The following MLLT1 variants were observed in gnomAD, a reference collection of about 807,000 sequenced individuals.
The protein encoded by MLLT1 is protein ENL.
In MLLT1, 11 loss-of-function variants were observed where a neutral mutation model predicts 55.1. The observed-to-expected ratio is 0.20, with a 90% CI of 0.13 to 0.33. The LOEUF is 0.33. MLLT1 is among the 10% of genes least tolerant of loss of function. The pLI is 1.00. For synonymous variants in MLLT1, 323 were observed against 320.1 expected, an observed-to-expected ratio of 1.01 and a Z score of -0.10; for missense variants, 536 against 760.6, an observed-to-expected ratio of 0.70 and a Z score of 3.47.
At position 6,227,157 on chromosome 19, in the gene MLLT1, ACGGGC is replaced by A. The variant is rs1287767481; in HGVS notation, c.421-60_421-56del. The A allele has an allele frequency of 6.4e-7, 1 of 1,550,922 alleles. No individual in the cohort carries two copies. On this transcript the variant is annotated intron_variant, in intron 4 of 11. Coordinates refer to ENST00000252674, the MANE Select transcript of MLLT1 (RefSeq NM_005934.4). The surrounding 1 kb of genome is among the most constrained non-coding windows in gnomAD (Gnocchi z 5.1). ...GATGGGCAGGGGGCAGGGGGCCCAC[ACGGGC>A]CGGGCTGAAGGTGGTGGGGCTTCCC...
At chr19:6,214,854 C>T (rs916935748) in intron 8 of MLLT1, among the ~76,000 whole-genome samples, 2 of 152,188 alleles carry the variant, frequency 1.3e-5, no homozygotes, top group Non-Finnish European at 2.9e-5. Flanking sequence ...CCGGACTTCC[C>T]GGTGGGCAGC....
chr19:6,252,310 G>A (rs930949268), intron 3 of MLLT1, among the ~76,000 whole-genome samples: 7 of 152,184 alleles, frequency 4.6e-5, no homozygotes, highest in Non-Finnish European at 8.8e-5. Flanking sequence ...GAGGGGAGCT[G>A]TGCTGCCGGC....
chr19:6,246,460 C>T (rs1249767280), intron 3 of MLLT1, among the ~76,000 whole-genome samples: 1 of 152,210 alleles, frequency 6.6e-6, no homozygotes, highest in Admixed American at 6.5e-5. Context: ...AAAAACACAA[C>T]AAAACACGAA....
Position 6,213,953 on chromosome 19 carries a change from G to C in MLLT1, c.1393C>G (p.Pro465Ala). ...REPPPPQKPPPPNSKVSGRRS... is the reference protein window; with the variant it reads ...REPPPPQKPPAPNSKVSGRRS... ...CCCAGGCTCACCTTGCTGTTGGGCG[G>C]GGGTGGCTTCTGGGGGGGTGGGGGC... Residue 465 changes from proline to alanine, a missense_variant, in exon 9 of 12, where the codon CCG becomes GCG. Transcript: ENST00000252674. The C allele has an allele frequency of 6.9e-7, 1 of 1,453,420 alleles. No homozygotes were observed. Among genetic ancestry groups the C allele is most frequent in the Non-Finnish European group, 9.1e-7 (1 of 1,098,346 alleles). 90.0% of individuals were successfully genotyped at this position (1,453,420 alleles called of 1,614,324 possible).
intron 2 of MLLT1, among the ~76,000 whole-genome samples, chr19:6,267,293 C>A (rs1018526142): frequency 1.3e-5 from 2 of 151,474 alleles, no homozygotes; most frequent in Admixed American, 1.3e-4. Flanking sequence ...TAGTAGAGAC[C>A]GAGTTTCAGC....
At chr19:6,267,094 C>A (rs2144952424) in intron 2 of MLLT1, among the ~76,000 whole-genome samples, 1 of 152,128 alleles carries the variant, frequency 6.6e-6, no homozygotes, top group South Asian at 2.1e-4. Context: ...AGCGACACCC[C>A]CATCTCTAAA....
intron 7 of MLLT1, 135 bp downstream of exon 7, chr19:6,217,819 C>T (rs2090859740): frequency 2.3e-6 from 3 of 1,291,400 alleles, no homozygotes; most frequent in Non-Finnish European, 3.1e-6. Context: ...CTCCCCCAGG[C>T]CACCAAAACC....
Position 6,211,889 on chromosome 19 carries a change from G to C in MLLT1, c.*1153C>G. On this transcript the variant is annotated 3_prime_UTR_variant, in exon 12 of 12. Transcript: ENST00000252674. This position sits in a 1 kb window ranked among gnomAD's most constrained non-coding sequence, Gnocchi z 4.6. ...GCGCGGCACCAGCATGAATTGCGGC[G>C]GTGGAGGCCGGGGCGGGCCAGGCCG... 2 of 1,064,736 alleles carry C rather than the reference G, an allele frequency of 1.9e-6. No individual in the cohort carries two copies. Among genetic ancestry groups the C allele is most frequent in the Non-Finnish European group, 2.3e-6 (2 of 878,714 alleles). 66.0% of individuals were successfully genotyped at this position (1,064,736 alleles called of 1,614,324 possible).
At position 6,257,236 on chromosome 19, in the gene MLLT1, G is replaced by A. The variant is rs186136705; in HGVS notation, c.276+4992C>T. Among the ~76,000 whole-genome samples the A allele has an allele frequency of 3.9e-5, 6 of 152,130 alleles. No homozygotes were observed. The East Asian group carries it at 7.7e-4, about 20-fold the overall frequency. On this transcript the variant is annotated intron_variant, in intron 3 of 11. Coordinates refer to ENST00000252674, the MANE Select transcript of MLLT1 (RefSeq NM_005934.4). The stretch of plus-strand genomic sequence containing the variant: ...AAGGGACATTATCAGGGCTGGGTGC[G>A]GCAGCTCACGCCTGTGATCCCAGCT...
At chr19:6,241,537 C>G (rs541031367) in intron 3 of MLLT1, among the ~76,000 whole-genome samples, 5 of 152,266 alleles carry the variant, frequency 3.3e-5, no homozygotes, top group Non-Finnish European at 7.3e-5. Flanking sequence ...AGCCCCTTCT[C>G]TAGGGACCCA....
intron 3 of MLLT1, chr19:6,259,152 G>A (rs2091282417): frequency 6.6e-6 from 1 of 152,146 alleles, no homozygotes; most frequent in Non-Finnish European, 1.5e-5. Flanking sequence ...ACCCAGTCTG[G>A]ACACACCAGC....
chr19:6,250,055 C>T (rs1277879194), intron 3 of MLLT1, among the ~76,000 whole-genome samples: 1 of 151,258 alleles, frequency 6.6e-6, no homozygotes, highest in Non-Finnish European at 1.5e-5. Context: ...AAAACTCTTA[C>T]AACTCAAAAA....
chr19:6,226,230 A>C lies in MLLT1; in HGVS notation c.546+747T>G, dbSNP rs914855862. 6.6e-6 allele frequency among the ~76,000 whole-genome samples: 1 copy of C among 152,228 alleles called. No individual in the cohort carries two copies. The highest frequency in any genetic ancestry group is 2.4e-5 in the African/African-American group (1 of 41,464). The stretch of plus-strand genomic sequence containing the variant: ...GATGTGTGGGTGGCAGGCACCGGGC[A>C]GCTGCCCCGAGGGCCCGTGCCGCTC... On this transcript the variant is annotated intron_variant, in intron 5 of 11. Transcript: ENST00000252674. The surrounding 1 kb of genome is among the most constrained non-coding windows in gnomAD (Gnocchi z 6.3).
chr19:6,223,750 C>T (rs1050685525), intron 5 of MLLT1, among the ~76,000 whole-genome samples: 1 of 152,162 alleles, frequency 6.6e-6, no homozygotes, highest in Non-Finnish European at 1.5e-5. Flanking sequence ...GCCAGCACTC[C>T]CCACGGTGGG....
In MLLT1 at chr19:6,229,276, C is replaced by A. The variant is rs3787062; in HGVS notation, c.420+1294G>T. Among the ~76,000 whole-genome samples, 79,397 of 152,062 alleles carry A rather than the reference C, an allele frequency of 0.52. 24,516 individuals carry two copies. The highest frequency in any genetic ancestry group is 0.67 in the Non-Finnish European group (45,192 of 67,942). ...CAGCCACGCCATCCACATAGGCCCA[C>A]GCCGGCACTGCCCTCCCCGGATCAG... On this transcript the variant is annotated intron_variant, in intron 4 of 11. Coordinates refer to ENST00000252674, the MANE Select transcript of MLLT1 (RefSeq NM_005934.4). The surrounding 1 kb of genome is among the most constrained non-coding windows in gnomAD (Gnocchi z 5.2).
chr19:6,239,932 C>CT (rs879905529), intron 3 of MLLT1, among the ~76,000 whole-genome samples: 105 of 146,648 alleles, frequency 7.2e-4, no homozygotes, highest in Admixed American at 8.2e-4. Flanking sequence ...AAAAGAAAAA[C>CT]TTTTTTTTTT....
In MLLT1 at chr19:6,262,163, C is replaced by T. The variant is rs918144359; in HGVS notation, c.276+65G>A. 4.6e-6 allele frequency: 6 copies of T among 1,298,070 alleles called. No homozygotes were observed. Among genetic ancestry groups the T allele is most frequent in the African/African-American group, 4.4e-5 (3 of 68,748 alleles). The allele number at this position is 1,298,070 out of a possible 1,614,324, so 80.4% of individuals were successfully genotyped here. ...GTTCTCTGGCCTGTTTTGTGAACTG[C>T]CGTGGCACCCGGAGCAGGGGTCCCC... On this transcript the variant is annotated intron_variant, in intron 3 of 11. Coordinates refer to ENST00000252674, the MANE Select transcript of MLLT1 (RefSeq NM_005934.4). The surrounding 1 kb of genome is among the most constrained non-coding windows in gnomAD (Gnocchi z 4.4).
intron 3 of MLLT1, among the ~76,000 whole-genome samples, chr19:6,252,390 TCCC>T (rs1339167148): frequency 1.3e-5 from 2 of 152,130 alleles, no homozygotes; most frequent in Non-Finnish European, 2.9e-5. Flanking sequence ...GTGAGCCTAT[TCCC>T]CCAATAAGTT....
In MLLT1 at chr19:6,213,385, C is replaced by G; in HGVS notation, c.1503G>C (p.Glu501Asp). 6.2e-7 allele frequency: 1 copy of G among 1,611,952 alleles called. No individual in the cohort carries two copies. The highest frequency in any genetic ancestry group is 8.5e-7 in the Non-Finnish European group (1 of 1,179,940). The change falls in exon 11 of 12, where the codon GAG (glutamate) becomes GAC (aspartate). Residue 501 changes from glutamate (E) to aspartate (D), a missense_variant. Physicochemically the swap from Glu to Asp is conservative, Grantham distance 45. Transcript: ENST00000252674. ...GCAGCGCCATCAGCCTCCGGTGTAGCTCCACCAGCTCATCCGTGTAGGCCT... is the reference window on the plus strand; with the variant it reads ...GCAGCGCCATCAGCCTCCGGTGTAGGTCCACCAGCTCATCCGTGTAGGCCT... ...YDKAYTDELVELHRRLMALRE... is the reference protein window; with the variant it reads ...YDKAYTDELVDLHRRLMALRE...
Sources: allele counts gnomAD v4.1 joint callset (sites outside exome capture counted in the v4.1 genomes callset), GRCh38; gene constraint gnomAD v4.1.1; non-coding constraint Gnocchi (gnomAD v3.1); transcripts MANE v1.5; gene names NCBI Gene and HGNC (gene_info 2026-07-23, HGNC 2026-07-21).